GALNT13: variants seen among roughly 807,000 people sequenced by gnomAD.
GALNT13 encodes the protein UDP-GalNAc:polypeptide N-acetylgalactosaminyltransferase 13.
Under a neutral mutation model 64.2 loss-of-function variants are expected in GALNT13, and 28 were observed. The observed-to-expected ratio is 0.44, with a 90% confidence interval of 0.32 to 0.60. The LOEUF is 0.60. GALNT13 is among the 20% of genes least tolerant of loss of function. The probability of loss-of-function intolerance (pLI) is 0.05; values close to 1 mark genes in which losing one functional copy is unlikely to be tolerated. For synonymous variants in GALNT13, 214 were observed against 224.6 expected, an observed-to-expected ratio of 0.95 and a Z score of 0.42; for missense variants, 577 against 669.8, an observed-to-expected ratio of 0.86 and a Z score of 1.53.
chr2:153,767,158 G>A, the GALNT13 span, among the ~76,000 whole-genome samples: 1 of 151,984 alleles, frequency 6.6e-6, no homozygotes, highest in Non-Finnish European at 1.5e-5. Flanking sequence ...ATCTATCCAT[G>A]TATACCCATT....
chr2:153,448,549 T>C, the GALNT13 span, among the ~76,000 whole-genome samples: 4 of 152,200 alleles, frequency 2.6e-5, no homozygotes, highest in African/African-American at 7.2e-5. Context: ...CCAGCATATA[T>C]TGAGTTGCCA....
chr2:154,140,043 A>G (rs1683169006), intron 3 of GALNT13, among the ~76,000 whole-genome samples: 1 of 152,056 alleles, frequency 6.6e-6, no homozygotes, highest in African/African-American at 2.4e-5. Context: ...GTTTTCTCTA[A>G]TAGTGTATGA....
intron 3 of GALNT13, among the ~76,000 whole-genome samples, chr2:154,018,541 C>T (rs1317880040): frequency 3.3e-5 from 5 of 151,130 alleles, no homozygotes; most frequent in Non-Finnish European, 7.4e-5. Context: ...GCCAAACCAG[C>T]GAGAAGATAA....
intron 1 of GALNT13, among the ~76,000 whole-genome samples, chr2:153,884,787 G>T (rs199868309): frequency 1.7e-5 from 1 of 58,822 alleles, no homozygotes; most frequent in Non-Finnish European, 3.2e-5. Flanking sequence ...ATATATATAT[G>T]TGTGTGTATA....
At chr2:153,780,831 C>A in the GALNT13 span, among the ~76,000 whole-genome samples, 1 of 152,104 alleles carries the variant, frequency 6.6e-6, no homozygotes, top group South Asian at 2.1e-4. Context: ...GTGCCTAGCA[C>A]TGAGTTAAGT....
At chr2:153,401,905 T>A in the GALNT13 span, among the ~76,000 whole-genome samples, 1 of 151,946 alleles carries the variant, frequency 6.6e-6, no homozygotes, top group African/African-American at 2.4e-5. Flanking sequence ...TGTCTTTTAA[T>A]TGGAGCATTT....
the GALNT13 span, among the ~76,000 whole-genome samples, chr2:153,452,088 G>C: frequency 6.6e-6 from 1 of 152,344 alleles, no homozygotes; most frequent in Non-Finnish European, 1.5e-5. Flanking sequence ...TGGTTAACAA[G>C]TTTTCATGAG....
At chr2:153,607,599 A>T in the GALNT13 span, among the ~76,000 whole-genome samples, 1 of 152,204 alleles carries the variant, frequency 6.6e-6, no homozygotes, top group Admixed American at 6.6e-5. Flanking sequence ...CAGTTGAAAG[A>T]TTATAACTTT....
At chr2:153,730,660 C>T in the GALNT13 span, among the ~76,000 whole-genome samples, 2 of 151,748 alleles carry the variant, frequency 1.3e-5, no homozygotes, top group African/African-American at 4.8e-5. Flanking sequence ...TGAAAAAGAA[C>T]TGCTATCCAG....
chr2:154,097,177 C>T (rs10175397), intron 3 of GALNT13, among the ~76,000 whole-genome samples: 114,776 of 151,858 alleles, frequency 0.76, 43,738 homozygotes, highest in East Asian at 0.96. Context: ...GAAGTGTTAT[C>T]GAGTGCTTAC....
At chr2:153,731,689 T>A in the GALNT13 span, among the ~76,000 whole-genome samples, 1 of 152,024 alleles carries the variant, frequency 6.6e-6, no homozygotes, top group African/African-American at 2.4e-5. Context: ...TATTAATTGT[T>A]ATTGCAAAAC....
chr2:153,977,007 TTTTATC>T (rs1694117701), intron 3 of GALNT13, among the ~76,000 whole-genome samples: 1 of 152,106 alleles, frequency 6.6e-6, no homozygotes. Context: ...TGATAAATCA[TTTTATC>T]TTTAAGTTAT....
At chr2:154,226,784 G>A (rs754226559) in intron 4 of GALNT13, among the ~76,000 whole-genome samples, 7 of 151,906 alleles carry the variant, frequency 4.6e-5, no homozygotes, top group Admixed American at 2.0e-4. Flanking sequence ...TTTTTATGCC[G>A]CAAGAACAAA....
intron 3 of GALNT13, among the ~76,000 whole-genome samples, chr2:154,104,831 C>T (rs1175949117): frequency 6.6e-6 from 1 of 152,164 alleles, no homozygotes; most frequent in Non-Finnish European, 1.5e-5. Flanking sequence ...AAAGCAGTGG[C>T]CCAGAATGGG....
chr2:153,343,987 A>G, the GALNT13 span, among the ~76,000 whole-genome samples: 5 of 152,272 alleles, frequency 3.3e-5, no homozygotes, highest in East Asian at 9.6e-4. Flanking sequence ...TTATGTCATT[A>G]TATTTCCTCA....
chr2:154,006,117 A>G (rs1696233757), intron 3 of GALNT13, among the ~76,000 whole-genome samples: 1 of 152,206 alleles, frequency 6.6e-6, no homozygotes, highest in Non-Finnish European at 1.5e-5. Context: ...TATGCTGAAC[A>G]TATATTTTTT....
At chr2:153,728,970 A>C in the GALNT13 span, among the ~76,000 whole-genome samples, 1 of 152,174 alleles carries the variant, frequency 6.6e-6, no homozygotes, top group African/African-American at 2.4e-5. Flanking sequence ...GACCAATAAC[A>C]AGTTATGAAA....
the GALNT13 span, among the ~76,000 whole-genome samples, chr2:153,126,410 T>C: frequency 0.55 from 81,174 of 148,276 alleles, 23,658 homozygotes; most frequent in South Asian, 0.72. Flanking sequence ...AAAGAACGAA[T>C]AAACAATGCT....
chr2:153,734,268 T>A, the GALNT13 span, among the ~76,000 whole-genome samples: 1 of 152,192 alleles, frequency 6.6e-6, no homozygotes, highest in Non-Finnish European at 1.5e-5. Context: ...TGAATACATT[T>A]GTTTTGCCCT....
Sources: gnomAD v4.1 joint callset for allele counts (sites outside exome capture counted in the v4.1 genomes callset) on GRCh38, gnomAD v4.1.1 for gene constraint, MANE v1.5 for transcripts, NCBI Gene and HGNC (gene_info 2026-07-23, HGNC 2026-07-21) for gene names.